NOL10: variants seen among roughly 807,000 people sequenced by gnomAD.
NOL10 encodes the protein H_NH0074G24.1.
In NOL10, 58 loss-of-function variants were observed where a neutral mutation model predicts 103.5. That is an observed-to-expected ratio of 0.56 (90% confidence interval 0.45 to 0.70). The LOEUF (loss-of-function observed/expected upper bound fraction) is 0.70, where lower values mean the gene tolerates loss of function less well. Among genes scored for constraint, NOL10 ranks in the 30% least tolerant of loss-of-function variants. The probability of loss-of-function intolerance (pLI) is 0.00; values close to 1 mark genes in which losing one functional copy is unlikely to be tolerated. For missense variants in NOL10, 763 were observed against 807.3 expected (o/e 0.95, Z 0.67); for synonymous variants, 287 against 282.5 (o/e 1.02, Z -0.16).
intron 14 of NOL10, among the ~76,000 whole-genome samples, chr2:10,606,046 C>T (rs990167203): frequency 1.3e-5 from 2 of 152,076 alleles, no homozygotes; most frequent in Non-Finnish European, 2.9e-5. Context: ...TCTGCTGTAG[C>T]CCTCTGACAG....
intron 13 of NOL10, among the ~76,000 whole-genome samples, chr2:10,607,860 C>T (rs554881770): frequency 6.6e-6 from 1 of 151,552 alleles, no homozygotes; most frequent in East Asian, 1.9e-4. Flanking sequence ...AGCCACCACA[C>T]TCGGCCCAAA....
intron 11 of NOL10, among the ~76,000 whole-genome samples, 174 bp downstream of exon 11, chr2:10,657,565 ATCT>A (rs1173034288): frequency 6.6e-6 from 1 of 152,210 alleles, no homozygotes; most frequent in Non-Finnish European, 1.5e-5. Context: ...AATCATGAGT[ATCT>A]TATCTAAATA....
At chr2:10,646,714 C>T (rs1400648248) in intron 12 of NOL10, among the ~76,000 whole-genome samples, 1 of 152,174 alleles carries the variant, frequency 6.6e-6, no homozygotes, top group African/African-American at 2.4e-5. Flanking sequence ...AGCAAGTTAC[C>T]TCCCTTGCTC....
At chr2:10,587,520 CT>C (rs1675177651) in intron 19 of NOL10, among the ~76,000 whole-genome samples, 1 of 149,244 alleles carries the variant, frequency 6.7e-6, no homozygotes, top group Non-Finnish European at 1.5e-5. Context: ...CTGCCCCCCC[CT>C]TGGCCTCCCA....
At chr2:10,677,909 A>G (rs1338527656) in intron 3 of NOL10, among the ~76,000 whole-genome samples, 1 of 151,636 alleles carries the variant, frequency 6.6e-6, no homozygotes, top group Non-Finnish European at 1.5e-5. Context: ...ATGTGTGTGT[A>G]CATATATATC....
At chr2:10,671,754 C>T (rs867106962) in intron 5 of NOL10, 64 bp from the exon 6 acceptor site, 13 of 1,302,208 alleles carry the variant, frequency 1.0e-5, no homozygotes, top group Middle Eastern at 4.6e-4. Flanking sequence ...TTCATTATCG[C>T]TAAAAAACTG....
At chr2:10,667,930 A>C (rs1324526224) in intron 7 of NOL10, among the ~76,000 whole-genome samples, 2 of 152,176 alleles carry the variant, frequency 1.3e-5, no homozygotes, top group African/African-American at 4.8e-5. Flanking sequence ...ACCTTTAAAA[A>C]TCCTCTCAAA....
intron 5 of NOL10, among the ~76,000 whole-genome samples, chr2:10,672,547 T>C (rs1335101584): frequency 2.0e-5 from 3 of 152,176 alleles, no homozygotes; most frequent in Admixed American, 1.3e-4. Context: ...GGATAAGCTG[T>C]ACCCCATAGT....
intron 12 of NOL10, among the ~76,000 whole-genome samples, chr2:10,650,208 G>C (rs1197891076): frequency 6.6e-6 from 1 of 152,102 alleles, no homozygotes; most frequent in Non-Finnish European, 1.5e-5. Flanking sequence ...CCAGGCAAGA[G>C]TACAGTTAGT....
Position 10,661,800 on chromosome 2 carries a change from T to C in NOL10, c.677+1159A>G, listed in dbSNP as rs886591455. 3.9e-5 allele frequency among the ~76,000 whole-genome samples: 6 copies of C among 151,956 alleles called. No homozygotes were observed. In the East Asian group the frequency reaches 1.2e-3, roughly 29 times the overall value. On this transcript the variant is annotated intron_variant, in intron 9 of 20. Coordinates refer to ENST00000381685, the MANE Select transcript of NOL10 (RefSeq NM_024894.4). ...ACACTTACTGCTTTCTCATATTGTATGGGCTCCACCTAGAAGTGACAGCTT... is the reference window on the plus strand; with the variant it reads ...ACACTTACTGCTTTCTCATATTGTACGGGCTCCACCTAGAAGTGACAGCTT...
At chr2:10,674,427 CGT>C (rs1266049636) in intron 4 of NOL10, among the ~76,000 whole-genome samples, 1 of 152,152 alleles carries the variant, frequency 6.6e-6, no homozygotes, top group Non-Finnish European at 1.5e-5. Flanking sequence ...CCTTTACCCT[CGT>C]ATAACCCCCT....
intron 12 of NOL10, among the ~76,000 whole-genome samples, chr2:10,651,307 C>T (rs1373451227): frequency 6.6e-6 from 1 of 152,146 alleles, no homozygotes; most frequent in African/African-American, 2.4e-5. Context: ...CACTACTAAA[C>T]CTTACCAGCA....
At chr2:10,654,399 C>CT in intron 12 of NOL10, 82 bp downstream of exon 12, 1 of 1,018,302 alleles carries the variant, frequency 9.8e-7, no homozygotes, top group African/African-American at 1.7e-5. Context: ...AAAGTATAGC[C>CT]TTTTTATTTG....
intron 13 of NOL10, among the ~76,000 whole-genome samples, chr2:10,612,036 T>C (rs1300052843): frequency 6.6e-6 from 1 of 152,078 alleles, no homozygotes; most frequent in Non-Finnish European, 1.5e-5. Flanking sequence ...GATAGGAGGA[T>C]CCCTTAAGCC....
intron 13 of NOL10, among the ~76,000 whole-genome samples, chr2:10,637,089 C>T (rs192149280): frequency 6.8e-6 from 1 of 147,136 alleles, no homozygotes; most frequent in East Asian, 2.1e-4. Context: ...GCAATCCCAG[C>T]TACTTGAGAG....
In NOL10 at chr2:10,602,763, G is replaced by A; in HGVS notation, c.1332+13C>T. 6.9e-7 allele frequency: 1 copy of A among 1,450,310 alleles called. No individual in the cohort carries two copies. Among genetic ancestry groups the A allele is most frequent in the Non-Finnish European group, 9.6e-7 (1 of 1,041,440 alleles). 89.8% of individuals were successfully genotyped at this position (1,450,310 alleles called of 1,614,324 possible). A position where few individuals can be genotyped will look rare whatever the true frequency, so the allele number is the denominator to read the frequency against. On this transcript the variant is annotated intron_variant, in intron 16 of 20. Transcript: ENST00000381685. Reference sequence around the variant, plus strand: ...TCTTCTCTGATAAATTCAATGGTAAGTATAATATTTACCTTTAACTGGACT... The same window carrying A: ...TCTTCTCTGATAAATTCAATGGTAAATATAATATTTACCTTTAACTGGACT...
Position 10,600,934 on chromosome 2 carries a change from T to A in NOL10, c.1341A>T (p.Pro447=), listed in dbSNP as rs1406174458. 1 of 1,546,454 alleles carries A rather than the reference T, an allele frequency of 6.5e-7. No homozygotes were observed. Among genetic ancestry groups the A allele is most frequent in the South Asian group, 1.2e-5 (1 of 82,746 alleles). ...TAAGTGCCAGCTCTTTGTTAACTTTTGGCAATTTCTAGAGAGAAAATAAAA... is the reference window on the plus strand; with the variant it reads ...TAAGTGCCAGCTCTTTGTTAACTTTAGGCAATTTCTAGAGAGAAAATAAAA... The part of the protein sequence containing the change: ...RAQRVQLKKL[P]KVNKELALKL... The change falls in exon 17 of 21, where the codon CCA becomes CCT. Residue 447 remains proline, a synonymous_variant. Transcript: ENST00000381685.
intron 13 of NOL10, among the ~76,000 whole-genome samples, chr2:10,618,050 CTTTTTT>C (rs1676927107): frequency 1.7e-5 from 2 of 116,226 alleles, no homozygotes; most frequent in African/African-American, 3.2e-5. Flanking sequence ...TTTTTTTTTT[CTTTTTT>C]ATTTGAGATG....
Position 10,657,537 on chromosome 2 carries a change from A to ATTT in NOL10, c.906+204_906+205insAAA, listed in dbSNP as rs1553310795. On this transcript the variant is annotated intron_variant, in intron 11 of 20. Transcript: ENST00000381685. The stretch of plus-strand genomic sequence containing the variant: ...ATGCCAATTCTAGATAATTGGGAAA[A>ATTT]CTTAACAGAAGGAAAGCAATCATGA... 3.8e-3 allele frequency among the ~76,000 whole-genome samples: 582 copies of ATTT among 151,770 alleles called. 8 individuals carry two copies. Among genetic ancestry groups the ATTT allele is most frequent in the African/African-American group, 0.013 (534 of 41,302 alleles).
Sources: gnomAD v4.1 joint callset for allele counts (sites outside exome capture counted in the v4.1 genomes callset) on GRCh38, gnomAD v4.1.1 for gene constraint, MANE v1.5 for transcripts, NCBI Gene and HGNC (gene_info 2026-07-23, HGNC 2026-07-21) for gene names.